KLF8: variants seen among roughly 807,000 people sequenced by gnomAD.
KLF8 encodes the protein KLF transcription factor 8, also known as Krueppel-like factor 8.
A neutral mutation model predicts 18.2 loss-of-function variants in KLF8; 10 were observed. The ratio of observed to expected loss-of-function variants is 0.55; its 90% CI spans 0.34 to 0.93. The LOEUF is 0.93. KLF8 is among the 40% of genes least tolerant of loss of function. The probability of loss-of-function intolerance (pLI) is 0.02; values close to 1 mark genes in which losing one functional copy is unlikely to be tolerated. For synonymous variants in KLF8, 109 were observed against 97.3 expected (o/e 1.12, Z -0.71); for missense variants, 264 against 277.9 (o/e 0.95, Z 0.36).
the KLF8 span, among the ~76,000 whole-genome samples, chrX:56,061,751 G>T: frequency 9.0e-6 from 1 of 110,767 alleles, no homozygotes; most frequent in Non-Finnish European, 1.9e-5. Context: ...GTCTAATATT[G>T]ATAGTGGGGT....
the KLF8 span, among the ~76,000 whole-genome samples, chrX:56,020,435 G>A: frequency 8.9e-6 from 1 of 111,941 alleles, no homozygotes; most frequent in African/African-American, 3.2e-5. Flanking sequence ...AAGTAAGGTA[G>A]TAGACATTGG....
chrX:56,197,258 A>T, the KLF8 span, among the ~76,000 whole-genome samples: 1 of 110,967 alleles, frequency 9.0e-6, no homozygotes, highest in Non-Finnish European at 1.9e-5. Context: ...ACTGAAGGAA[A>T]TAGAGACACA....
the KLF8 span, among the ~76,000 whole-genome samples, chrX:56,217,734 TA>T: frequency 8.9e-6 from 1 of 111,767 alleles, no homozygotes; most frequent in Non-Finnish European, 1.9e-5. Context: ...TTGTACCTTT[TA>T]AAAGGCTAAA....
chrX:56,108,979 G>A, the KLF8 span, among the ~76,000 whole-genome samples: 2 of 111,459 alleles, frequency 1.8e-5, no homozygotes, highest in Admixed American at 1.9e-4. Flanking sequence ...TTTAATTTCT[G>A]CATACTTGTA....
chrX:55,980,592 C>G, the KLF8 span, among the ~76,000 whole-genome samples: 1 of 111,425 alleles, frequency 9.0e-6, no homozygotes. Context: ...GTCTATTCAC[C>G]GTGCATAATT....
chrX:56,021,280 GGTTT>G, the KLF8 span, among the ~76,000 whole-genome samples: 1 of 111,212 alleles, frequency 9.0e-6, no homozygotes, highest in Admixed American at 9.5e-5. Flanking sequence ...GTGCAGCAGT[GGTTT>G]GTTCTTTTTT....
In KLF8 at chrX:56,250,148, A is replaced by T. The variant is rs985435583; in HGVS notation, c.8-83A>T. On this transcript the variant is annotated intron_variant, in intron 1 of 5. Transcript: ENST00000468660. ...CACTGAAAGATAAAGGTCATAGAAC[A>T]CACATAACATTAATGGCATATTTAT... 16 of 647,551 alleles carry T rather than the reference A, an allele frequency of 2.5e-5. No homozygotes were observed. In the African/African-American group the frequency reaches 2.8e-4, roughly 11 times the overall value. 53.4% of individuals were successfully genotyped at this position (647,551 alleles called of 1,213,427 possible). A position where few individuals can be genotyped will look rare whatever the true frequency, so the allele number is the denominator to read the frequency against.
chrX:55,949,689 G>A, the KLF8 span, among the ~76,000 whole-genome samples: 9 of 109,523 alleles, frequency 8.2e-5, no homozygotes, highest in South Asian at 3.6e-3. Flanking sequence ...TACTCGGGAG[G>A]CTAAGGCAGG....
the KLF8 span, among the ~76,000 whole-genome samples, chrX:56,080,375 C>T: frequency 2.7e-4 from 30 of 111,159 alleles, no homozygotes; most frequent in African/African-American, 7.2e-4. Flanking sequence ...ATTTGCTTGT[C>T]TGTAAAGGAT....
chrX:56,221,381 T>C, the KLF8 span, among the ~76,000 whole-genome samples: 2 of 111,893 alleles, frequency 1.8e-5, no homozygotes, highest in Non-Finnish European at 3.8e-5. Context: ...TTGTTTATAA[T>C]AGTTCCTTAT....
At chrX:55,978,619 G>A in the KLF8 span, among the ~76,000 whole-genome samples, 1 of 111,595 alleles carries the variant, frequency 9.0e-6, no homozygotes, top group Non-Finnish European at 1.9e-5. Flanking sequence ...TCTTCAGGAG[G>A]ATGTCTTTGA....
the KLF8 span, among the ~76,000 whole-genome samples, chrX:56,223,054 GGCC>G: frequency 8.8e-6 from 1 of 113,326 alleles, no homozygotes; most frequent in Admixed American, 9.2e-5. Context: ...TGGGCACGGA[GGCC>G]AGGGAGGCGC....
At chrX:56,216,513 GATTTATTTATTTATTTATTT>G in the KLF8 span, among the ~76,000 whole-genome samples, 1 of 91,070 alleles carries the variant, frequency 1.1e-5, no homozygotes, top group African/African-American at 3.9e-5. Flanking sequence ...TCTGGCTGCT[GATTTATTTATTTATTTATTT>G]ATTTATTTAT....
chrX:55,952,772 T>C, the KLF8 span, among the ~76,000 whole-genome samples: 4 of 112,327 alleles, frequency 3.6e-5, no homozygotes, highest in African/African-American at 9.7e-5. Flanking sequence ...ACACTGGTAC[T>C]ATGACTGCTA....
the KLF8 span, among the ~76,000 whole-genome samples, chrX:56,097,198 A>T: frequency 1.8e-5 from 2 of 111,519 alleles, no homozygotes; most frequent in Admixed American, 1.9e-4. Flanking sequence ...GCTAAAGAAG[A>T]AAAATTATAT....
intron 1 of KLF8, among the ~76,000 whole-genome samples, chrX:56,239,224 A>G (rs759199178): frequency 9.0e-6 from 1 of 111,627 alleles, no homozygotes; most frequent in East Asian, 2.8e-4. Context: ...TGGGATCTCA[A>G]ACTTAAATCT....
the KLF8 span, among the ~76,000 whole-genome samples, chrX:56,078,973 G>T: frequency 1.0e-5 from 1 of 99,514 alleles, no homozygotes; most frequent in Admixed American, 1.0e-4. Flanking sequence ...GTATTTCTGT[G>T]GGATCGATGG....
At chrX:55,978,280 C>T in the KLF8 span, among the ~76,000 whole-genome samples, 1 of 111,430 alleles carries the variant, frequency 9.0e-6, no homozygotes, top group African/African-American at 3.3e-5. Context: ...TGGAAGATCT[C>T]ACCACTATGG....
the KLF8 span, among the ~76,000 whole-genome samples, chrX:55,975,312 G>A: frequency 1.8e-5 from 2 of 111,833 alleles, no homozygotes; most frequent in Admixed American, 9.5e-5. Flanking sequence ...TAAGGGTAAT[G>A]CAAATGTGGT....
Sources: allele counts gnomAD v4.1 joint callset (sites outside exome capture counted in the v4.1 genomes callset), GRCh38; gene constraint gnomAD v4.1.1; transcripts MANE v1.5; gene names NCBI Gene and HGNC (gene_info 2026-07-23, HGNC 2026-07-21).